Variants in ZNF567 observed in about 807,000 individuals in gnomAD.
ZNF567 encodes the protein zinc finger protein 567.
ZNF567 carries 36 observed loss-of-function variants against 53.9 expected under a neutral mutation model. The observed-to-expected ratio is 0.67, with a 90% CI of 0.51 to 0.88. ZNF567 has a LOEUF of 0.88. Among genes scored for constraint, ZNF567 ranks in the 40% least tolerant of loss-of-function variants. ZNF567 has a pLI of 0.00. For missense variants in ZNF567, 619 were observed against 764.7 expected (o/e 0.81, Z 2.25); for synonymous variants, 224 against 260.4 (o/e 0.86, Z 1.35).
the ZNF567 span, among the ~76,000 whole-genome samples, chr19:36,678,439 A>C: frequency 1.3e-5 from 2 of 152,248 alleles, no homozygotes; most frequent in African/African-American, 2.4e-5. Flanking sequence ...CAAAGGAAAC[A>C]ATAGGATGAA....
At chr19:36,682,675 T>C (rs1319987045), upstream of ZNF567, among the ~76,000 whole-genome samples, 3 of 151,242 alleles carry the variant, frequency 2.0e-5, no homozygotes, top group African/African-American at 4.9e-5. Flanking sequence ...CGGCACCATC[T>C]TGGCTCACTG....
At chr19:36,702,465 T>G (rs1349778124) in intron 3 of ZNF567, among the ~76,000 whole-genome samples, 2 of 152,130 alleles carry the variant, frequency 1.3e-5, no homozygotes, top group Middle Eastern at 3.4e-3. Context: ...AATCTGAATG[T>G]TGGCCTGCCT....
At position 36,720,130 on chromosome 19, in the gene ZNF567, G is replaced by A; in HGVS notation, c.1406G>A (p.Arg469Lys). 1 of 1,614,022 alleles carries A rather than the reference G, an allele frequency of 6.2e-7. No homozygotes were observed. Among genetic ancestry groups the A allele is most frequent in the Admixed American group, 1.7e-5 (1 of 59,996 alleles). The change falls in exon 6 of 6, where the codon AGA becomes AAA. Residue 469 changes from arginine to lysine, a missense_variant. Transcript: ENST00000682579. The stretch of plus-strand genomic sequence containing the variant: ...AAGACAACCCTTGTAGCACATCAGA[G>A]AACACATACAGGGGAGAAATCTTAT... ...RQKTTLVAHQ[R>K]THTGEKSYEC... is the part of the protein sequence containing the mutation.
At chr19:36,718,643 T>G (rs1277573148) in intron 5 of ZNF567, among the ~76,000 whole-genome samples, 1 of 152,226 alleles carries the variant, frequency 6.6e-6, no homozygotes, top group Non-Finnish European at 1.5e-5. Context: ...GTTCACTTCA[T>G]TTTTTCTGAA....
At chr19:36,699,271 AT>A (rs1022581120) in intron 3 of ZNF567, among the ~76,000 whole-genome samples, 12 of 152,104 alleles carry the variant, frequency 7.9e-5, no homozygotes, top group Admixed American at 7.9e-4. Flanking sequence ...GTTCTGTTCC[AT>A]TGATCTATAT....
intron 3 of ZNF567, chr19:36,711,957 G>A (rs1299123501): frequency 2.6e-5 from 4 of 152,874 alleles, no homozygotes; most frequent in East Asian, 3.8e-4. Flanking sequence ...ATAAAACAGG[G>A]AAAATTGTAG....
intron 2 of ZNF567, among the ~76,000 whole-genome samples, chr19:36,692,546 A>AT (rs2038671995): frequency 6.6e-6 from 1 of 151,892 alleles, no homozygotes; most frequent in Non-Finnish European, 1.5e-5. Context: ...TAATTTGTGT[A>AT]TTTTTATTTT....
downstream of ZNF567, chr19:36,721,470 G>A (rs977448393): frequency 7.2e-5 from 11 of 152,142 alleles, no homozygotes; most frequent in Admixed American, 3.3e-4. Context: ...GAAACCTTGC[G>A]GCTTTATAAT....
At chr19:36,688,382 T>C (rs1286219397) in intron 1 of ZNF567, among the ~76,000 whole-genome samples, 1 of 152,132 alleles carries the variant, frequency 6.6e-6, no homozygotes, top group Non-Finnish European at 1.5e-5. Flanking sequence ...ATTGTTTAGA[T>C]TGATTTATGA....
chr19:36,680,123 A>C, the ZNF567 span, among the ~76,000 whole-genome samples: 4 of 152,240 alleles, frequency 2.6e-5, no homozygotes, highest in Admixed American at 1.3e-4. Context: ...AAATATATAC[A>C]TCAATATACA....
At chr19:36,706,324 C>T (rs1485459651) in intron 3 of ZNF567, among the ~76,000 whole-genome samples, 2 of 152,184 alleles carry the variant, frequency 1.3e-5, no homozygotes, top group Admixed American at 6.5e-5. Context: ...GATAGGGCCT[C>T]GCTTTGTAGC....
the ZNF567 span, among the ~76,000 whole-genome samples, chr19:36,672,563 G>A: frequency 6.6e-6 from 1 of 152,122 alleles, no homozygotes. Flanking sequence ...CAGCAACATG[G>A]ACTTCTGCTC....
intron 2 of ZNF567, among the ~76,000 whole-genome samples, chr19:36,689,941 T>G (rs2145539042): frequency 6.6e-6 from 1 of 152,312 alleles, no homozygotes; most frequent in Non-Finnish European, 1.5e-5. Flanking sequence ...TCTCTCAGCC[T>G]CTCCACTGTC....
chr19:36,711,762 G>A (rs1055894885), intron 3 of ZNF567: 8 of 152,132 alleles, frequency 5.3e-5, no homozygotes, highest in African/African-American at 1.9e-4. Flanking sequence ...ACATTTTCTT[G>A]CAAGTATGTG....
upstream of ZNF567, chr19:36,685,916 G>A (rs1392437093): frequency 6.6e-6 from 1 of 152,250 alleles, no homozygotes; most frequent in African/African-American, 2.4e-5. Context: ...GTTCAAGATG[G>A]TCTCCCTGAA....
chr19:36,715,410 C>T (rs1305197161), intron 5 of ZNF567, among the ~76,000 whole-genome samples: 4 of 149,386 alleles, frequency 2.7e-5, no homozygotes, highest in East Asian at 2.0e-4. Context: ...ATCCACCTGC[C>T]TCAGCCTCCC....
At chr19:36,710,206 C>T (rs2039702909) in intron 3 of ZNF567, among the ~76,000 whole-genome samples, 1 of 151,132 alleles carries the variant, frequency 6.6e-6, no homozygotes, top group Non-Finnish European at 1.5e-5. Context: ...TTTCTGTGCT[C>T]CTATCGAGCT....
chr19:36,696,129 G>A (rs2038873632), intron 3 of ZNF567, among the ~76,000 whole-genome samples: 1 of 152,020 alleles, frequency 6.6e-6, no homozygotes, highest in East Asian at 1.9e-4. Context: ...CCAATTTTAT[G>A]TTTGCATGTA....
At chr19:36,667,289 G>A in the ZNF567 span, among the ~76,000 whole-genome samples, 1 of 151,374 alleles carries the variant, frequency 6.6e-6, no homozygotes, top group Non-Finnish European at 1.5e-5. Context: ...ACGCCAAGGC[G>A]GGCGGATCAC....
Sources: gnomAD v4.1 joint callset for allele counts (sites outside exome capture counted in the v4.1 genomes callset) on GRCh38, gnomAD v4.1.1 for gene constraint, MANE v1.5 for transcripts, NCBI Gene and HGNC (gene_info 2026-07-23, HGNC 2026-07-21) for gene names.